The following RNGTT variants were observed in gnomAD, a reference collection of about 807,000 sequenced individuals.
The protein encoded by RNGTT is RNA guanylyltransferase and 5'-phosphatase.
In RNGTT, 33 loss-of-function variants were observed where a neutral mutation model predicts 79.3. That is an observed-to-expected ratio of 0.42 (90% CI 0.32 to 0.56). The LOEUF is 0.56. RNGTT is among the 20% of genes least tolerant of loss of function. The probability of loss-of-function intolerance (pLI) is 0.17; values close to 1 mark genes in which losing one functional copy is unlikely to be tolerated. For synonymous variants in RNGTT, 222 were observed against 235.9 expected (o/e 0.94, Z 0.54); for missense variants, 497 against 739.1 (o/e 0.67, Z 3.80).
chr6:88,886,823 A>T (rs1305432331), intron 8 of RNGTT, among the ~76,000 whole-genome samples: 3 of 152,128 alleles, frequency 2.0e-5, no homozygotes, highest in Non-Finnish European at 4.4e-5. Flanking sequence ...TTCATTTTCA[A>T]TAACTTTCAT....
rs191179290 is a variant in RNGTT at position 88,642,876 on chromosome 6, A to T, written c.1507-28481T>A. Among the ~76,000 whole-genome samples, 3 of 152,332 alleles carry T rather than the reference A, an allele frequency of 2.0e-5. No individual in the cohort carries two copies. The East Asian group carries it at 5.8e-4, about 29-fold the overall frequency. ...TTTTCTTCTATACCTAGTACAATTA[A>T]AGTCATGTAATTGTTTATGCCAGAG... On this transcript the variant is annotated intron_variant, in intron 14 of 15. Coordinates refer to ENST00000369485, the MANE Select transcript of RNGTT (RefSeq NM_003800.5).
In RNGTT at chr6:88,801,701, C is replaced by G. The variant is rs138793662; in HGVS notation, c.1270-69G>C. The stretch of plus-strand genomic sequence containing the variant: ...ACTTTAAAAGTATTTAAACTTCTTG[C>G]TAAGCTTTATAAAAACTTCTTAATA... On this transcript the variant is annotated intron_variant, in intron 11 of 15. Transcript: ENST00000369485. 1.1e-3 allele frequency: 1,166 copies of G among 1,053,012 alleles called. 1 individual carries two copies. The highest frequency in any genetic ancestry group is 1.3e-3 in the Non-Finnish European group (886 of 699,108). The allele number at this position is 1,053,012 out of a possible 1,614,324, so 65.2% of individuals were successfully genotyped here. A position where few individuals can be genotyped will look rare whatever the true frequency, so the allele number is the denominator to read the frequency against.
chr6:88,950,861 G>GTT (rs56393697), intron 1 of RNGTT, among the ~76,000 whole-genome samples: 77 of 142,842 alleles, frequency 5.4e-4, no homozygotes, highest in African/African-American at 1.6e-3. Context: ...ACTGTTTTTG[G>GTT]TTTTTTTTTT....
At chr6:88,615,331 G>A (rs961331123) in intron 14 of RNGTT, among the ~76,000 whole-genome samples, 2 of 152,108 alleles carry the variant, frequency 1.3e-5, no homozygotes, top group Non-Finnish European at 2.9e-5. Flanking sequence ...GGAATATGAC[G>A]AGAAGTAAGT....
intron 11 of RNGTT, among the ~76,000 whole-genome samples, chr6:88,833,950 G>A (rs1257400789): frequency 6.6e-6 from 1 of 152,180 alleles, no homozygotes; most frequent in Non-Finnish European, 1.5e-5. Flanking sequence ...GAACCCAGGA[G>A]GCAGAAGTTG....
chr6:88,624,661 A>G (rs1772562026), intron 14 of RNGTT, among the ~76,000 whole-genome samples: 1 of 152,050 alleles, frequency 6.6e-6, no homozygotes, highest in African/African-American at 2.4e-5. Flanking sequence ...TTTGTGACCT[A>G]GGGTTAGGCA....
At chr6:88,681,308 C>T (rs1321283239) in intron 13 of RNGTT, among the ~76,000 whole-genome samples, 1 of 152,132 alleles carries the variant, frequency 6.6e-6, no homozygotes, top group Admixed American at 6.5e-5. Context: ...CTAATAACTA[C>T]CTTTCCCTAA....
At chr6:88,819,258 A>G (rs928784291) in intron 11 of RNGTT, among the ~76,000 whole-genome samples, 1 of 152,196 alleles carries the variant, frequency 6.6e-6, no homozygotes, top group Non-Finnish European at 1.5e-5. Context: ...TAACTGAACT[A>G]TAGAAAAGAG....
chr6:88,645,009 C>A (rs560176746), intron 14 of RNGTT, among the ~76,000 whole-genome samples: 1 of 152,162 alleles, frequency 6.6e-6, no homozygotes, highest in South Asian at 2.1e-4. Context: ...CCAGGGCAAT[C>A]AGGCAGGAGA....
intron 8 of RNGTT, among the ~76,000 whole-genome samples, chr6:88,886,364 A>G (rs898128435): frequency 6.6e-6 from 1 of 152,204 alleles, no homozygotes; most frequent in African/African-American, 2.4e-5. Context: ...GAAACACGTG[A>G]TCCTGGACTG....
chr6:88,739,337 T>G (rs1299496214), intron 13 of RNGTT, among the ~76,000 whole-genome samples: 1 of 152,034 alleles, frequency 6.6e-6, no homozygotes, highest in Admixed American at 6.6e-5. Context: ...TTCCAGCTGG[T>G]AAGTGTTTTT....
chr6:88,641,338 TAAAAAAAAAAA>T (rs869118891), intron 14 of RNGTT, among the ~76,000 whole-genome samples: 1 of 136,702 alleles, frequency 7.3e-6, no homozygotes, highest in Non-Finnish European at 1.6e-5. Context: ...GACTCTGTCT[TAAAAAAAAAAA>T]AAAAAAAAAA....
intron 9 of RNGTT, among the ~76,000 whole-genome samples, chr6:88,850,763 T>C (rs1177625598): frequency 6.6e-6 from 1 of 152,026 alleles, no homozygotes; most frequent in African/African-American, 2.4e-5. Flanking sequence ...ATGCAGAGTA[T>C]ATTTTCCAGC....
rs573594162 is a variant in RNGTT, at chr6:88,738,810, G to C, written c.1439+30964C>G. Among the ~76,000 whole-genome samples, 9 of 149,984 alleles carry C rather than the reference G, an allele frequency of 6.0e-5. No individual in the cohort carries two copies. The East Asian group carries it at 1.8e-3, about 30-fold the overall frequency. The stretch of plus-strand genomic sequence containing the variant: ...TCAATTTTTCTGTAAATTTAAAACT[G>C]TTCTGGAAACTAAAGTCTATAAATA... On this transcript the variant is annotated intron_variant, in intron 13 of 15. Coordinates refer to ENST00000369485, the MANE Select transcript of RNGTT (RefSeq NM_003800.5).
intron 11 of RNGTT, among the ~76,000 whole-genome samples, chr6:88,832,492 C>T (rs537711858): frequency 3.9e-5 from 6 of 152,102 alleles, no homozygotes; most frequent in Non-Finnish European, 5.9e-5. Flanking sequence ...TGTAAGAAAA[C>T]CTAGGCAATA....
intron 11 of RNGTT, among the ~76,000 whole-genome samples, chr6:88,822,398 T>C (rs1027501848): frequency 6.6e-6 from 1 of 152,214 alleles, no homozygotes; most frequent in Non-Finnish European, 1.5e-5. Flanking sequence ...AAATGACATA[T>C]TAACAAAGGT....
intron 11 of RNGTT, among the ~76,000 whole-genome samples, chr6:88,840,322 A>G (rs1781233235): frequency 6.6e-6 from 1 of 152,198 alleles, no homozygotes; most frequent in South Asian, 2.1e-4. Context: ...AAGAGACATT[A>G]AGGACAAAAA....
At chr6:88,823,922 A>G (rs1780574643) in intron 11 of RNGTT, among the ~76,000 whole-genome samples, 1 of 152,244 alleles carries the variant, frequency 6.6e-6, no homozygotes, top group African/African-American at 2.4e-5. Context: ...ATAAAATATC[A>G]TATGTGGAAA....
At chr6:88,698,271 T>TATATGTTTC in intron 13 of RNGTT, among the ~76,000 whole-genome samples, 1 of 93,886 alleles carries the variant, frequency 1.1e-5, no homozygotes, top group African/African-American at 7.4e-5. Context: ...ATATATATGA[T>TATATGTTTC]ATATATATTT....
Sources: allele counts gnomAD v4.1 joint callset (sites outside exome capture counted in the v4.1 genomes callset), GRCh38; gene constraint gnomAD v4.1.1; transcripts MANE v1.5; gene names NCBI Gene and HGNC (gene_info 2026-07-23, HGNC 2026-07-21).